The following NUBPL variants were observed in gnomAD, a reference collection of about 807,000 sequenced individuals.
NUBPL encodes the protein NUBP iron-sulfur cluster assembly factor, mitochondrial.
In NUBPL, 31 loss-of-function variants were observed where a neutral mutation model predicts 45.7. The observed-to-expected ratio is 0.68, with a 90% CI of 0.51 to 0.92. The LOEUF (loss-of-function observed/expected upper bound fraction) is 0.92, where lower values mean the gene tolerates loss of function less well. Ranked by LOEUF, NUBPL falls within the 40% of genes least tolerant of loss-of-function variation. NUBPL has a pLI of 0.00. For missense variants in NUBPL, 401 were observed against 398.7 expected (o/e 1.01, Z -0.05); for synonymous variants, 144 against 140.9 (o/e 1.02, Z -0.15).
chr14:31,615,131 G>A (rs2034863874), intron 4 of NUBPL, among the ~76,000 whole-genome samples: 1 of 152,092 alleles, frequency 6.6e-6, no homozygotes, highest in Non-Finnish European at 1.5e-5. Context: ...TCTCATGATA[G>A]TGAGTGAGTT....
At chr14:31,650,554 G>A (rs1466934308) in intron 4 of NUBPL, among the ~76,000 whole-genome samples, 5 of 152,118 alleles carry the variant, frequency 3.3e-5, no homozygotes, top group African/African-American at 1.2e-4. Context: ...CTCCCAAAGT[G>A]TTGGGATTAC....
chr14:31,604,875 C>T (rs1035645688), intron 4 of NUBPL, among the ~76,000 whole-genome samples: 11 of 152,132 alleles, frequency 7.2e-5, no homozygotes, highest in African/African-American at 2.7e-4. Flanking sequence ...TTTCCGTCAG[C>T]TTAAAATGAC....
At chr14:31,674,256 C>T (rs2036640064) in intron 6 of NUBPL, among the ~76,000 whole-genome samples, 1 of 152,046 alleles carries the variant, frequency 6.6e-6, no homozygotes, top group Non-Finnish European at 1.5e-5. Flanking sequence ...TAACAGTTAC[C>T]TTTTATTTGT....
At chr14:31,822,657 A>T (rs113057336) in intron 7 of NUBPL, among the ~76,000 whole-genome samples, 1,626 of 152,224 alleles carry the variant, frequency 0.011, 27 homozygotes, top group African/African-American at 0.037. Flanking sequence ...AATTAAGAAC[A>T]TATATTTCAG....
In NUBPL at chr14:31,793,846, T is replaced by A. The variant is rs1247819597; in HGVS notation, c.607+5973T>A. On this transcript the variant is annotated intron_variant, in intron 7 of 10. Coordinates refer to ENST00000281081, the MANE Select transcript of NUBPL (RefSeq NM_025152.3). ...TATCTTTCTTTTTTTTTTTTATTTTTTTTTTTATTTTTTCCCAATGCTATC... is the reference window on the plus strand; with the variant it reads ...TATCTTTCTTTTTTTTTTTTATTTTATTTTTTATTTTTTCCCAATGCTATC... 2.0e-3 allele frequency among the ~76,000 whole-genome samples: 261 copies of A among 132,076 alleles called. 1 individual carries two copies. Among genetic ancestry groups the A allele is most frequent in the Middle Eastern group, 3.5e-3 (1 of 286 alleles). The allele number at this position is 132,076 out of a possible 152,430, so 86.6% of individuals were successfully genotyped here.
intron 4 of NUBPL, among the ~76,000 whole-genome samples, chr14:31,643,378 G>T (rs563467225): frequency 6.6e-6 from 1 of 152,162 alleles, no homozygotes; most frequent in African/African-American, 2.4e-5. Flanking sequence ...GAATTTTATT[G>T]AATGCTTTTC....
At chr14:31,806,653 G>A (rs2039692611) in intron 7 of NUBPL, among the ~76,000 whole-genome samples, 1 of 151,962 alleles carries the variant, frequency 6.6e-6, no homozygotes, top group Non-Finnish European at 1.5e-5. Flanking sequence ...AAGTTCTAGG[G>A]TACATGTGCA....
intron 4 of NUBPL, among the ~76,000 whole-genome samples, chr14:31,663,877 A>T (rs2036335039): frequency 6.6e-6 from 1 of 152,188 alleles, no homozygotes; most frequent in South Asian, 2.1e-4. Flanking sequence ...ATGAACACAG[A>T]ATATTTTTCC....
chr14:31,596,452 A>T (rs1022452398), intron 3 of NUBPL, among the ~76,000 whole-genome samples: 2 of 151,854 alleles, frequency 1.3e-5, no homozygotes, highest in Admixed American at 6.6e-5. Context: ...TCTAAATTGA[A>T]TGTTGGCTAA....
At chr14:31,570,192 G>A (rs1215694848) in intron 3 of NUBPL, among the ~76,000 whole-genome samples, 1 of 152,040 alleles carries the variant, frequency 6.6e-6, no homozygotes. Flanking sequence ...ATATAAATAT[G>A]TTGTATATTT....
At chr14:31,669,114 C>T (rs971238696) in intron 4 of NUBPL, among the ~76,000 whole-genome samples, 1 of 152,208 alleles carries the variant, frequency 6.6e-6, no homozygotes. Flanking sequence ...TCTCGAACTT[C>T]AGCCTCCTGA....
At chr14:31,737,167 G>T (rs1358952412) in intron 6 of NUBPL, among the ~76,000 whole-genome samples, 1 of 152,022 alleles carries the variant, frequency 6.6e-6, no homozygotes, top group Non-Finnish European at 1.5e-5. Flanking sequence ...TTTAGCTCAG[G>T]TTATCAAATT....
At chr14:31,675,062 G>A (rs867760411) in intron 6 of NUBPL, among the ~76,000 whole-genome samples, 43 of 151,890 alleles carry the variant, frequency 2.8e-4, no homozygotes, top group Admixed American at 4.6e-4. Flanking sequence ...GCGTGAACCC[G>A]GGAGGCGGAG....
At chr14:31,649,779 CTT>C (rs959356334) in intron 4 of NUBPL, among the ~76,000 whole-genome samples, 6 of 152,196 alleles carry the variant, frequency 3.9e-5, no homozygotes, top group African/African-American at 1.2e-4. Context: ...AGCAAATACT[CTT>C]TTTAATATTT....
intron 6 of NUBPL, among the ~76,000 whole-genome samples, chr14:31,679,071 G>A: frequency 6.6e-6 from 1 of 152,142 alleles, no homozygotes; most frequent in East Asian, 1.9e-4. Context: ...CTATGATGGG[G>A]CAGCACAAAG....
intron 6 of NUBPL, among the ~76,000 whole-genome samples, chr14:31,698,979 C>T (rs1014367920): frequency 3.9e-5 from 6 of 151,914 alleles, no homozygotes; most frequent in Admixed American, 6.6e-5. Context: ...CTCAGCCTCC[C>T]GAGTAGCTGA....
chr14:31,839,259 A>G lies in NUBPL; in HGVS notation c.694-7212A>G, dbSNP rs74773076. Among the ~76,000 whole-genome samples, 1,088 of 152,278 alleles carry G rather than the reference A, an allele frequency of 7.1e-3. 39 individuals are homozygous for G. In the East Asian group the frequency reaches 0.11, roughly 15 times the overall value. On this transcript the variant is annotated intron_variant, in intron 8 of 10. Transcript: ENST00000281081. ...CTCAATGAATTTTTACAAAGCAAAC[A>G]TACCCACTGTTTGTATCCCAGAAAT...
chr14:31,708,248 T>C (rs1312942540), intron 6 of NUBPL, among the ~76,000 whole-genome samples: 1 of 152,222 alleles, frequency 6.6e-6, no homozygotes, highest in Non-Finnish European at 1.5e-5. Flanking sequence ...CTTTTAAATA[T>C]TTAACAATAT....
At chr14:31,689,026 C>T (rs1024241212) in intron 6 of NUBPL, among the ~76,000 whole-genome samples, 1 of 151,454 alleles carries the variant, frequency 6.6e-6, no homozygotes, top group African/African-American at 2.4e-5. Context: ...GCATTGTATT[C>T]CATGGTGTAT....
Sources: allele counts gnomAD v4.1 joint callset (sites outside exome capture counted in the v4.1 genomes callset), GRCh38; gene constraint gnomAD v4.1.1; transcripts MANE v1.5; gene names NCBI Gene and HGNC (gene_info 2026-07-23, HGNC 2026-07-21).